Variants in VGLL1 observed in about 807,000 individuals in gnomAD.
The protein encoded by VGLL1 is vestigial like family member 1.
A neutral mutation model predicts 12.0 loss-of-function variants in VGLL1; 4 were observed. The observed-to-expected ratio is 0.33, with a 90% confidence interval of 0.16 to 0.76. The LOEUF (loss-of-function observed/expected upper bound fraction) is 0.76. Ranked by LOEUF, VGLL1 falls within the 30% of genes least tolerant of loss-of-function variation. The pLI, the probability that VGLL1 is intolerant of heterozygous loss-of-function variation, is 0.60. For missense variants in VGLL1, 204 were observed against 208.7 expected, an observed-to-expected ratio of 0.98 and a Z score of 0.14; for synonymous variants, 87 against 81.2, an observed-to-expected ratio of 1.07 and a Z score of -0.39.
intron 2 of VGLL1, among the ~76,000 whole-genome samples, chrX:136,539,760 T>A (rs1281475817): frequency 8.9e-6 from 1 of 111,841 alleles, no homozygotes; most frequent in African/African-American, 3.3e-5. Context: ...CCAGAATGGA[T>A]TTCAGACGTG....
chrX:136,536,172 A>G lies in VGLL1; in HGVS notation c.152A>G (p.Asn51Ser). The G allele has an allele frequency of 1.7e-6, 2 of 1,211,373 alleles. No homozygotes were observed. Among genetic ancestry groups the G allele is most frequent in the Non-Finnish European group, 2.2e-6 (2 of 895,415 alleles). Residue 51 changes from asparagine (N) to serine (S), a missense_variant, in exon 2 of 5, where the codon AAT becomes AGT. Transcript: ENST00000370634. ...VDEHFSRALS[N>S]IKSPQELTPS... is the part of the protein sequence containing the mutation. ...GAACACTTCTCCAGAGCTCTGAGCA[A>G]TATCAAGAGCCCCCAGGAATTGACC...
chrX:136,536,254 G>A lies in VGLL1; in HGVS notation c.214+20G>A. ...AAAACGGTGAGCATGTGGGGAGGGAGGGAGCTGGGATTCCCTATCAAGGCT... is the reference window on the plus strand; with the variant it reads ...AAAACGGTGAGCATGTGGGGAGGGAAGGAGCTGGGATTCCCTATCAAGGCT... On this transcript the variant is annotated intron_variant, in intron 2 of 4. Coordinates refer to ENST00000370634, the MANE Select transcript of VGLL1 (RefSeq NM_016267.4). 2 of 1,193,403 alleles carry A rather than the reference G, an allele frequency of 1.7e-6. No homozygotes were observed. Among genetic ancestry groups the A allele is most frequent in the East Asian group, 3.0e-5 (1 of 33,653 alleles).
At chrX:136,542,057 G>A (rs753710259) in intron 2 of VGLL1, among the ~76,000 whole-genome samples, 21 of 109,595 alleles carry the variant, frequency 1.9e-4, no homozygotes, top group Non-Finnish European at 3.2e-4. Context: ...TCCTGAGGCC[G>A]GCCTCAGGCC....
intron 2 of VGLL1, among the ~76,000 whole-genome samples, chrX:136,545,102 G>A (rs1309124550): frequency 8.9e-6 from 1 of 112,270 alleles, no homozygotes; most frequent in African/African-American, 3.2e-5. Flanking sequence ...CTTTTACATG[G>A]ATGGTCTCAT....
chrX:136,535,955 T>C, intron 1 of VGLL1, 41 bp from the exon 2 acceptor site: 1 of 1,103,731 alleles, frequency 9.1e-7, no homozygotes, highest in East Asian at 3.0e-5. Flanking sequence ...GCCAAGCCAC[T>C]TGGTAAATAG....
chrX:136,534,274 A>C (rs2075833862), intron 1 of VGLL1, among the ~76,000 whole-genome samples: 1 of 112,333 alleles, frequency 8.9e-6, no homozygotes, highest in Non-Finnish European at 1.9e-5. Flanking sequence ...AACCTTTCCA[A>C]CACCCCTGAG....
Position 136,550,764 on chromosome X carries a change from C to A in VGLL1, c.635-4C>A, listed in dbSNP as rs2075883395. The A allele has an allele frequency of 8.3e-7, 1 of 1,203,958 alleles. No individual in the cohort carries two copies. Among genetic ancestry groups the A allele is most frequent in the East Asian group, 3.0e-5 (1 of 33,686 alleles). On this transcript the variant is annotated splice_polypyrimidine_tract_variant and splice_region_variant and intron_variant, in intron 3 of 4. Coordinates refer to ENST00000370634, the MANE Select transcript of VGLL1 (RefSeq NM_016267.4). ...TCCAATAATGTTTTCTTCTTCTTTT[C>A]TAGATAAGAAACTATATGTATCTCG... is the stretch of plus-strand genomic sequence containing the variant.
At chrX:136,538,203 G>T (rs1464435727) in intron 2 of VGLL1, among the ~76,000 whole-genome samples, 2 of 111,912 alleles carry the variant, frequency 1.8e-5, no homozygotes, top group Admixed American at 9.4e-5. Context: ...CACTAGCAGG[G>T]GCTGTAGTAT....
chrX:136,549,940 G>A (rs573001049), intron 3 of VGLL1, among the ~76,000 whole-genome samples: 1 of 111,971 alleles, frequency 8.9e-6, no homozygotes, highest in South Asian at 3.7e-4. Flanking sequence ...TACATAGTGT[G>A]GTTCTAGTGT....
At chrX:136,540,438 T>C (rs763529032) in intron 2 of VGLL1, among the ~76,000 whole-genome samples, 3 of 111,458 alleles carry the variant, frequency 2.7e-5, no homozygotes, top group Non-Finnish European at 5.7e-5. Flanking sequence ...TTTCCCCAGA[T>C]ACCTGCATGG....
At chrX:136,542,762 T>C (rs1245220154) in intron 2 of VGLL1, among the ~76,000 whole-genome samples, 3 of 112,240 alleles carry the variant, frequency 2.7e-5, no homozygotes, top group African/African-American at 9.7e-5. Context: ...AGTCCATCGA[T>C]CTCCAGAGCC....
intron 4 of VGLL1, among the ~76,000 whole-genome samples, chrX:136,554,234 T>A (rs1168723962): frequency 1.8e-5 from 2 of 111,484 alleles, no homozygotes; most frequent in Non-Finnish European, 3.8e-5. Context: ...GATAAAGTGT[T>A]CAAAGGAGGC....
chrX:136,555,754 T>C (rs1020994796), intron 4 of VGLL1, among the ~76,000 whole-genome samples: 19 of 111,991 alleles, frequency 1.7e-4, no homozygotes, highest in Non-Finnish European at 3.2e-4. Flanking sequence ...TGTGGGATAT[T>C]TAAAGAGAGT....
At chrX:136,552,704 T>C (rs746909351) in intron 4 of VGLL1, among the ~76,000 whole-genome samples, 26 of 112,014 alleles carry the variant, frequency 2.3e-4, no homozygotes, top group Admixed American at 1.5e-3. Flanking sequence ...AGAAACTGGA[T>C]CTCAAAAAGG....
At chrX:136,543,098 G>A (rs1021917679) in intron 2 of VGLL1, among the ~76,000 whole-genome samples, 1 of 111,560 alleles carries the variant, frequency 9.0e-6, no homozygotes, top group Non-Finnish European at 1.9e-5. Context: ...TCGGATCTTA[G>A]CCACTCAGCA....
At chrX:136,539,879 CCA>C (rs748168870) in intron 2 of VGLL1, among the ~76,000 whole-genome samples, 1 of 111,854 alleles carries the variant, frequency 8.9e-6, no homozygotes, top group Non-Finnish European at 1.9e-5. Flanking sequence ...CCTGCTCTGC[CCA>C]CAGTCTTTCC....
At chrX:136,551,280 C>T (rs2075885505) in intron 4 of VGLL1, among the ~76,000 whole-genome samples, 1 of 110,313 alleles carries the variant, frequency 9.1e-6, no homozygotes, top group Admixed American at 9.7e-5. Context: ...CAAGGTGACC[C>T]AGAAAAATTA....
At chrX:136,549,712 A>C (rs957507567) in intron 3 of VGLL1, among the ~76,000 whole-genome samples, 1 of 111,539 alleles carries the variant, frequency 9.0e-6, no homozygotes, top group Non-Finnish European at 1.9e-5. Context: ...ACCAGATGCA[A>C]AATATCCATC....
intron 2 of VGLL1, among the ~76,000 whole-genome samples, chrX:136,536,648 G>A (rs1405813979): frequency 1.8e-5 from 2 of 111,568 alleles, no homozygotes; most frequent in South Asian, 3.8e-4. Flanking sequence ...TTCTCCTACC[G>A]TTCTTTAACT....
Sources: allele counts gnomAD v4.1 joint callset (sites outside exome capture counted in the v4.1 genomes callset), GRCh38; gene constraint gnomAD v4.1.1; transcripts MANE v1.5; gene names NCBI Gene and HGNC (gene_info 2026-07-23, HGNC 2026-07-21).